Variants in PXDNL observed in about 807,000 individuals in gnomAD.
PXDNL encodes the protein probable oxidoreductase PXDNL.
A neutral mutation model predicts 150.8 loss-of-function variants in PXDNL; 145 were observed. The ratio of observed to expected loss-of-function variants is 0.96; its 90% confidence interval spans 0.84 to 1.10. PXDNL has a LOEUF of 1.10. Ranked by LOEUF, PXDNL falls within the 50% of genes least tolerant of loss-of-function variation. The pLI, the probability that PXDNL is intolerant of heterozygous loss-of-function variation, is 0.00. For synonymous variants in PXDNL, 757 were observed against 725.7 expected (o/e 1.04, Z -0.69); for missense variants, 2,087 against 1,873.9 (o/e 1.11, Z -2.10).
chr8:51,614,323 T>C (rs530378171), intron 2 of PXDNL, among the ~76,000 whole-genome samples: 35 of 152,334 alleles, frequency 2.3e-4, no homozygotes, highest in African/African-American at 8.4e-4. Flanking sequence ...AACTGTAACC[T>C]AACTGTATGT....
chr8:51,709,683 A>G (rs1816455260), intron 1 of PXDNL, among the ~76,000 whole-genome samples: 1 of 152,238 alleles, frequency 6.6e-6, no homozygotes, highest in South Asian at 2.1e-4. Context: ...AGGATAAGTT[A>G]ATTATGGTAC....
At chr8:51,704,361 A>T (rs1331151932) in intron 1 of PXDNL, among the ~76,000 whole-genome samples, 1 of 152,190 alleles carries the variant, frequency 6.6e-6, no homozygotes, top group Non-Finnish European at 1.5e-5. Context: ...TTTTGTGAGT[A>T]TACCATAGTC....
At chr8:51,447,371 G>T (rs1337224454) in intron 11 of PXDNL, among the ~76,000 whole-genome samples, 1 of 152,102 alleles carries the variant, frequency 6.6e-6, no homozygotes, top group Non-Finnish European at 1.5e-5. Flanking sequence ...GTATCATAAG[G>T]AATTCTCATC....
At chr8:51,627,944 A>G (rs1021789869) in intron 2 of PXDNL, among the ~76,000 whole-genome samples, 9 of 152,202 alleles carry the variant, frequency 5.9e-5, no homozygotes, top group African/African-American at 2.2e-4. Context: ...GAATTCACTC[A>G]GGGAAGAAAA....
intron 19 of PXDNL, among the ~76,000 whole-genome samples, chr8:51,369,020 T>A (rs1005963832): frequency 6.6e-6 from 1 of 151,904 alleles, no homozygotes; most frequent in Non-Finnish European, 1.5e-5. Flanking sequence ...TAAAAATAAA[T>A]AAATAAATCA....
intron 20 of PXDNL, 111 bp downstream of exon 20, chr8:51,345,722 A>G (rs1806130414): frequency 1.6e-6 from 1 of 608,554 alleles, no homozygotes; most frequent in African/African-American, 1.9e-5. Flanking sequence ...GATTCATCCT[A>G]TATGTAAATA....
chr8:51,654,750 A>C lies in PXDNL; in HGVS notation c.175T>G (p.Phe59Val), dbSNP rs1340864826. 1.2e-6 allele frequency: 2 copies of C among 1,613,026 alleles called. No homozygotes were observed. The highest frequency in any genetic ancestry group is 3.3e-5 in the Admixed American group (2 of 60,012). The change falls in exon 2 of 23, where the codon TTT becomes GTT. Residue 59 changes from phenylalanine to valine, a missense_variant. By Grantham distance (50) the Phe-to-Val change is conservative (BLOSUM62 -1). Coordinates refer to ENST00000356297, the MANE Select transcript of PXDNL (RefSeq NM_144651.5). ...CCTGGAATTTCTCTTATTCTGTTAA[A>C]CCTCAAGTCTCTGGGAACATAAAAA... ...PQQTTVLDLR[F>V]NRIREIPGSA...
chr8:51,646,030 C>T (rs1322909615), intron 2 of PXDNL, among the ~76,000 whole-genome samples: 4 of 151,318 alleles, frequency 2.6e-5, no homozygotes, highest in Non-Finnish European at 5.9e-5. Flanking sequence ...TAGGAGGATA[C>T]CAAGGAAAGG....
chr8:51,750,801 A>C (rs56128832), intron 1 of PXDNL, among the ~76,000 whole-genome samples: 20,760 of 152,206 alleles, frequency 0.14, 2,546 homozygotes, highest in East Asian at 0.33. Context: ...GTATGTACGT[A>C]TAGGAAGAAA....
rs374437985 is a variant in PXDNL at position 51,602,691 on chromosome 8, T to C, written c.237-9993A>G. 4.0e-5 allele frequency among the ~76,000 whole-genome samples: 6 copies of C among 151,682 alleles called. No individual in the cohort carries two copies. In the East Asian group the frequency reaches 1.2e-3, roughly 29 times the overall value. ...TTAACTTAAAAAATCCTTTGTCTCA[T>C]ATTTTCACTTTGTTTTGTATCTTTT... On this transcript the variant is annotated intron_variant, in intron 2 of 22. Coordinates refer to ENST00000356297, the MANE Select transcript of PXDNL (RefSeq NM_144651.5).
chr8:51,715,117 T>C (rs115614542), intron 1 of PXDNL, among the ~76,000 whole-genome samples: 3,926 of 152,266 alleles, frequency 0.026, 174 homozygotes, highest in African/African-American at 0.089. Flanking sequence ...GATAAGGGAT[T>C]AATATCAAAG....
chr8:51,527,709 G>C (rs1372125782), intron 4 of PXDNL, among the ~76,000 whole-genome samples: 2 of 152,150 alleles, frequency 1.3e-5, no homozygotes, highest in Non-Finnish European at 2.9e-5. Context: ...CCTACATGTA[G>C]GAGAGAGAAC....
Position 51,408,662 on chromosome 8 carries a change from G to T in PXDNL, c.2962C>A (p.Leu988Met). ...GTGTTTCCCTCCCAGTGGGGGTTCA[G>T]GGCGGACAGCTCCGTGGCCATCCTG... ...HNRMATELSA[L>M]NPHWEGNTVY... is the part of the protein sequence containing the mutation. Residue 988 changes from leucine (L) to methionine (M), a missense_variant, in exon 17 of 23, where the codon CTG (leucine) becomes ATG (methionine). Coordinates refer to ENST00000356297, the MANE Select transcript of PXDNL (RefSeq NM_144651.5). 6.2e-7 allele frequency: 1 copy of T among 1,603,952 alleles called. No homozygotes were observed. The highest frequency in any genetic ancestry group is 2.3e-5 in the East Asian group (1 of 44,380).
intron 2 of PXDNL, among the ~76,000 whole-genome samples, chr8:51,643,135 A>T (rs79838834): frequency 0.39 from 59,481 of 151,938 alleles, 14,397 homozygotes; most frequent in African/African-American, 0.69. Flanking sequence ...ATTTATAGAT[A>T]CAATGCCATC....
At chr8:51,716,954 A>G (rs1816626731) in intron 1 of PXDNL, among the ~76,000 whole-genome samples, 1 of 152,196 alleles carries the variant, frequency 6.6e-6, no homozygotes, top group African/African-American at 2.4e-5. Context: ...GTTAGGAATG[A>G]TTTGGGCTGC....
At chr8:51,789,105 A>G (rs1363814130) in intron 1 of PXDNL, among the ~76,000 whole-genome samples, 1 of 151,458 alleles carries the variant, frequency 6.6e-6, no homozygotes, top group Middle Eastern at 3.2e-3. Context: ...ATACTTTCCT[A>G]CTTTCCCTAT....
intron 4 of PXDNL, among the ~76,000 whole-genome samples, chr8:51,535,575 C>G (rs565292028): frequency 1.5e-5 from 2 of 129,722 alleles, no homozygotes; most frequent in African/African-American, 6.6e-5. Flanking sequence ...GGGACACAAA[C>G]ACTGCGGAAG....
At chr8:51,529,259 T>C (rs953562598) in intron 4 of PXDNL, among the ~76,000 whole-genome samples, 5 of 152,202 alleles carry the variant, frequency 3.3e-5, no homozygotes, top group Admixed American at 3.3e-4. Flanking sequence ...CTCCCTCTTA[T>C]CCCTTCTCCC....
chr8:51,729,199 G>A (rs1470075417), intron 1 of PXDNL, among the ~76,000 whole-genome samples: 1 of 152,072 alleles, frequency 6.6e-6, no homozygotes, highest in Non-Finnish European at 1.5e-5. Context: ...AAAACGCTAT[G>A]TGAAAGACAC....
Sources: gnomAD v4.1 joint callset for allele counts (sites outside exome capture counted in the v4.1 genomes callset) on GRCh38, gnomAD v4.1.1 for gene constraint, MANE v1.5 for transcripts, NCBI Gene and HGNC (gene_info 2026-07-23, HGNC 2026-07-21) for gene names.